Variants in RYK observed in about 807,000 individuals in gnomAD.
RYK encodes the protein receptor like tyrosine kinase.
A neutral mutation model predicts 70.2 loss-of-function variants in RYK; 21 were observed. That is an observed-to-expected ratio of 0.30 (90% CI 0.21 to 0.43). The LOEUF is 0.43. RYK is among the 20% of genes least tolerant of loss of function. RYK has a pLI of 1.00. For synonymous variants in RYK, 267 were observed against 278.0 expected (o/e 0.96, Z 0.39); for missense variants, 604 against 753.3 (o/e 0.80, Z 2.32).
At chr3:134,242,517 C>T (rs149308661) in intron 1 of RYK, among the ~76,000 whole-genome samples, 187 of 152,264 alleles carry the variant, frequency 1.2e-3, no homozygotes, top group African/African-American at 3.9e-3. Context: ...ACATCAACAA[C>T]GCACAAAAAT....
intron 4 of RYK, 123 bp downstream of exon 4, chr3:134,209,572 T>G: frequency 1.5e-6 from 1 of 689,366 alleles, no homozygotes; most frequent in Non-Finnish European, 2.2e-6. Context: ...CTGCCAGTGC[T>G]CTTTTCTCAC....
intron 2 of RYK, among the ~76,000 whole-genome samples, chr3:134,222,001 G>A (rs749942615): frequency 5.3e-5 from 8 of 152,120 alleles, no homozygotes; most frequent in Admixed American, 2.6e-4. Flanking sequence ...TTCTTACACC[G>A]TTTCTCCATG....
rs1212815207 is a variant in RYK, at chr3:134,250,805, T to G, written c.-151A>C. Reference sequence around the variant, plus strand: ...TGGCAGCCAGCAGTGGCTTCAGACCTCCGGAGCGCGCCGCCGCCGCCGCCT... The same window carrying G: ...TGGCAGCCAGCAGTGGCTTCAGACCGCCGGAGCGCGCCGCCGCCGCCGCCT... On this transcript the variant is annotated 5_prime_UTR_variant, in exon 1 of 15. Transcript: ENST00000623711. 2.6e-5 allele frequency: 4 copies of G among 154,006 alleles called. No individual in the cohort carries two copies. Among genetic ancestry groups the G allele is most frequent in the South Asian group, 5.0e-4 (2 of 3,972 alleles). The allele number at this position is 154,006 out of a possible 1,614,324, so 9.5% of individuals were successfully genotyped here.
Position 134,158,268 on chromosome 3 carries a change from C to A in RYK, c.1713-4G>T. On this transcript the variant is annotated splice_polypyrimidine_tract_variant and splice_region_variant and intron_variant, in intron 14 of 14. Transcript: ENST00000623711. ...GCAACAGGCCATCACAGCAAATCTG[C>A]AGAGTGACAAAAATGAAAATTTGGG... The A allele has an allele frequency of 6.5e-7, 1 of 1,538,312 alleles. No homozygotes were observed. Among genetic ancestry groups the A allele is most frequent in the Non-Finnish European group, 8.8e-7 (1 of 1,139,884 alleles).
chr3:134,213,029 A>C (rs2014448832), intron 2 of RYK, among the ~76,000 whole-genome samples: 1 of 152,182 alleles, frequency 6.6e-6, no homozygotes, highest in Non-Finnish European at 1.5e-5. Flanking sequence ...ACTTCGAGGT[A>C]CCTTGGCTAG....
intron 2 of RYK, among the ~76,000 whole-genome samples, chr3:134,217,872 T>A (rs1162666808): frequency 1.3e-5 from 2 of 152,206 alleles, no homozygotes; most frequent in Non-Finnish European, 2.9e-5. Flanking sequence ...GATTAATTTT[T>A]AAAATAAATA....
chr3:134,226,727 C>T (rs999851972), intron 1 of RYK, among the ~76,000 whole-genome samples: 1 of 151,948 alleles, frequency 6.6e-6, no homozygotes, highest in Admixed American at 6.5e-5. Flanking sequence ...CGTATCATCT[C>T]GATACAGAAA....
At position 134,210,374 on chromosome 3, in the gene RYK, G is replaced by A. The variant is rs544655556; in HGVS notation, c.455-545C>T. Among the ~76,000 whole-genome samples, 5 of 152,206 alleles carry A rather than the reference G, an allele frequency of 3.3e-5. No homozygotes were observed. The South Asian group carries it at 1.0e-3, about 32-fold the overall frequency. ...TTTTAATCCATAATTGTAACAATGG[G>A]ATAACAGACTTCAGTGCATATAATT... On this transcript the variant is annotated intron_variant, in intron 3 of 14. Coordinates refer to ENST00000623711, the MANE Select transcript of RYK (RefSeq NM_002958.4).
At chr3:134,222,294 G>A (rs747911314) in intron 2 of RYK, 124 bp downstream of exon 2, 18 of 977,228 alleles carry the variant, frequency 1.8e-5, no homozygotes, top group Non-Finnish European at 2.7e-5. Flanking sequence ...AAAAGACTCA[G>A]TACTATTATA....
At chr3:134,230,283 C>T (rs941512198) in intron 1 of RYK, among the ~76,000 whole-genome samples, 2 of 152,168 alleles carry the variant, frequency 1.3e-5, no homozygotes, top group Non-Finnish European at 2.9e-5. Context: ...AACGCGGTTT[C>T]ACTATGTTGG....
At chr3:134,248,742 G>A (rs556300952) in intron 1 of RYK, among the ~76,000 whole-genome samples, 24 of 152,040 alleles carry the variant, frequency 1.6e-4, no homozygotes, top group Non-Finnish European at 3.2e-4. Context: ...AGATTGCAGT[G>A]AGCCGAGATC....
At chr3:134,197,450 A>G (rs1459502510) in intron 6 of RYK, among the ~76,000 whole-genome samples, 1 of 152,242 alleles carries the variant, frequency 6.6e-6, no homozygotes, top group Non-Finnish European at 1.5e-5. Flanking sequence ...ATGAAAAATA[A>G]ATAAGTAAAG....
chr3:134,195,853 G>A (rs887336089), intron 6 of RYK, among the ~76,000 whole-genome samples: 2 of 152,076 alleles, frequency 1.3e-5, no homozygotes, highest in African/African-American at 4.8e-5. Flanking sequence ...GGCTGATGCA[G>A]GAGAATCGCT....
At chr3:134,166,005 A>T (rs1433438762) in intron 13 of RYK, among the ~76,000 whole-genome samples, 1 of 152,236 alleles carries the variant, frequency 6.6e-6, no homozygotes, top group Non-Finnish European at 1.5e-5. Context: ...AAAACAACTT[A>T]AGACTTTTAG....
At chr3:134,244,782 C>T (rs1301919545) in intron 1 of RYK, among the ~76,000 whole-genome samples, 2 of 152,096 alleles carry the variant, frequency 1.3e-5, no homozygotes, top group African/African-American at 4.8e-5. Flanking sequence ...TCTGTGTCAC[C>T]CCAAAATTTC....
At position 134,223,121 on chromosome 3, in the gene RYK, G is replaced by A. The variant is rs373693686; in HGVS notation, c.233-582C>T. 3.5e-4 allele frequency among the ~76,000 whole-genome samples: 54 copies of A among 152,292 alleles called. No homozygotes were observed. The East Asian group carries it at 9.6e-3, about 27-fold the overall frequency. On this transcript the variant is annotated intron_variant, in intron 1 of 14. Transcript: ENST00000623711. ...TTCCCTACCAAGACTACAAAGGGAA[G>A]AACACTATGTTTTTCATGGTATCTG...
rs142853874 is a variant in RYK, at chr3:134,220,761, T to G, written c.354+1657A>C. Among the ~76,000 whole-genome samples the G allele has an allele frequency of 6.4e-4, 98 of 152,274 alleles. 1 individual carries two copies. The East Asian group carries it at 9.4e-3, about 15-fold the overall frequency. ...TCATCAAAAGCAAAGATTGAAAAAT[T>G]TTTAAATAAAAGAAATAGCAAAGGT... On this transcript the variant is annotated intron_variant, in intron 2 of 14. Transcript: ENST00000623711.
intron 13 of RYK, among the ~76,000 whole-genome samples, chr3:134,160,473 T>A (rs1358423067): frequency 6.6e-6 from 1 of 152,106 alleles, no homozygotes; most frequent in Non-Finnish European, 1.5e-5. Context: ...AAATACTTTG[T>A]AAAATACACA....
chr3:134,246,070 TACAC>T (rs34246332), intron 1 of RYK, among the ~76,000 whole-genome samples: 12,953 of 151,294 alleles, frequency 0.086, 1,119 homozygotes, highest in South Asian at 0.32. Flanking sequence ...AAAATAAAAA[TACAC>T]ACATCAGAGA....
Sources: allele counts gnomAD v4.1 joint callset (sites outside exome capture counted in the v4.1 genomes callset), GRCh38; gene constraint gnomAD v4.1.1; transcripts MANE v1.5; gene names NCBI Gene and HGNC (gene_info 2026-07-23, HGNC 2026-07-21).